Variants in FBN3 observed in about 807,000 individuals in gnomAD.
FBN3 encodes fibrillin-3.
In FBN3, 234 loss-of-function variants were observed where a neutral mutation model predicts 330.1. The observed-to-expected ratio is 0.71, with a 90% CI of 0.64 to 0.79. The LOEUF (loss-of-function observed/expected upper bound fraction) is 0.79. Among genes scored for constraint, FBN3 ranks in the 30% least tolerant of loss-of-function variants. FBN3 has a pLI of 0.00. For missense variants in FBN3, 3,606 were observed against 3,886.9 expected (o/e 0.93, Z 1.92); for synonymous variants, 1,458 against 1,517.3 (o/e 0.96, Z 0.91).
chr19:8,133,496 G>A (rs1366716884), intron 13 of FBN3, among the ~76,000 whole-genome samples: 1 of 151,960 alleles, frequency 6.6e-6, no homozygotes, highest in Non-Finnish European at 1.5e-5. Flanking sequence ...TGTCGCCCAG[G>A]CTGGAGCACA....
chr19:8,145,818 A>T (rs2083527336), intron 5 of FBN3, 25 bp downstream of exon 5: 1 of 1,520,806 alleles, frequency 6.6e-7, no homozygotes, highest in Admixed American at 2.0e-5. Flanking sequence ...GTGTGCAAAG[A>T]GGGGAGTCCC....
At chr19:8,104,063 T>G (rs1302053219) in intron 38 of FBN3, among the ~76,000 whole-genome samples, 1 of 149,424 alleles carries the variant, frequency 6.7e-6, no homozygotes, top group African/African-American at 2.5e-5. Context: ...AGGTTAAGGT[T>G]GCAGTGAGCC....
At position 8,110,971 on chromosome 19, in the gene FBN3, C is replaced by A. The variant is rs779608734; in HGVS notation, c.4211-4G>T. 6.2e-7 allele frequency: 1 copy of A among 1,614,190 alleles called. No homozygotes were observed. Among genetic ancestry groups the A allele is most frequent in the Non-Finnish European group, 8.5e-7 (1 of 1,180,024 alleles). On this transcript the variant is annotated splice_region_variant and splice_polypyrimidine_tract_variant and intron_variant, in intron 33 of 63. Transcript: ENST00000600128. ...CCTTGCGCACACTCGTCCACATCTG[C>A]GGGGACCCTGGGTCAGCCTGCCCCA...
chr19:8,084,206 C>T (rs1382631136), intron 56 of FBN3, among the ~76,000 whole-genome samples: 3 of 152,156 alleles, frequency 2.0e-5, no homozygotes, highest in Admixed American at 6.6e-5. Context: ...CACACGCAGA[C>T]ACTCACATAC....
rs942694816 is a variant in FBN3 at position 8,149,537 on chromosome 19, C to G, written c.-106G>C. The G allele has an allele frequency of 1.3e-5, 2 of 151,946 alleles. No homozygotes were observed. Among genetic ancestry groups the G allele is most frequent in the African/African-American group, 2.4e-5 (1 of 41,400 alleles). 9.4% of individuals were successfully genotyped at this position (151,946 alleles called of 1,614,324 possible). ...GCGGGCTCCTGCGGCGCCGGGGACC[C>G]GGGGCGGGAACGCAAAGCCGAGAGG... On this transcript the variant is annotated 5_prime_UTR_variant, in exon 1 of 64. Transcript: ENST00000600128. This position sits in a 1 kb window ranked among gnomAD's most constrained non-coding sequence, Gnocchi z 5.5.
intron 40 of FBN3, among the ~76,000 whole-genome samples, 192 bp from the exon 41 acceptor site, chr19:8,101,164 AC>A (rs2082319871): frequency 6.6e-6 from 1 of 151,810 alleles, no homozygotes; most frequent in East Asian, 1.9e-4. Context: ...TCGTTCTGTC[AC>A]CCAGGCTGGA....
At chr19:8,122,356 A>G (rs1182783242) in intron 24 of FBN3, among the ~76,000 whole-genome samples, 1 of 151,186 alleles carries the variant, frequency 6.6e-6, no homozygotes, top group African/African-American at 2.4e-5. Flanking sequence ...CCCTTCTTTT[A>G]TGTTTTATTT....
Position 8,087,094 on chromosome 19 carries a change from G to C in FBN3, c.6737C>G (p.Ser2246Cys), listed in dbSNP as rs774571382. 1.2e-6 allele frequency: 2 copies of C among 1,609,100 alleles called. No homozygotes were observed. The highest frequency in any genetic ancestry group is 2.7e-5 in the African/African-American group (2 of 74,740). ...CPPGMRPLPG[S>C]GEGCTDDNEC... ...CCCCATACCTGTGCAGCCCTCCCCAGAGCCAGGCAGGGGCCGCATGCCTGG... is the reference window on the plus strand; with the variant it reads ...CCCCATACCTGTGCAGCCCTCCCCACAGCCAGGCAGGGGCCGCATGCCTGG... Residue 2246 changes from serine to cysteine, a missense_variant, in exon 54 of 64, where the codon TCT becomes TGT. Transcript: ENST00000600128.
chr19:8,111,713 T>C lies in FBN3; in HGVS notation c.4019A>G (p.Asn1340Ser). 6.4e-7 allele frequency: 1 copy of C among 1,573,626 alleles called. No homozygotes were observed. Among genetic ancestry groups the C allele is most frequent in the Non-Finnish European group, 8.7e-7 (1 of 1,154,124 alleles). The change falls in exon 32 of 64, where the codon AAT becomes AGT. Residue 1340 changes from asparagine (N) to serine (S), a missense_variant. Coordinates refer to ENST00000600128, the MANE Select transcript of FBN3 (RefSeq NM_032447.5). Reference protein sequence around the residue: ...HRCSPRGDCLNVPGSYRCTCR... With the variant: ...HRCSPRGDCLSVPGSYRCTCR... ...GGTGCAGCGGTAGGAGCCAGGGACA[T>C]TGAGACAGTCACCTCTTGGGCTGCA...
At chr19:8,124,125 G>A (rs1338269860) in intron 22 of FBN3, 117 bp from the exon 23 acceptor site, 5 of 838,506 alleles carry the variant, frequency 6.0e-6, no homozygotes, top group Non-Finnish European at 9.7e-6. Flanking sequence ...TCAGGTCGAG[G>A]GCCAGAGTGG....
rs899211 is a variant in FBN3 at position 8,146,113 on chromosome 19, C to T, written c.349+14G>A. ...ACTTCTTCTCCCTCCCGCAAGAGGC[C>T]GCTTCCCGCTCACCTCGGCTCACCC... On this transcript the variant is annotated intron_variant, in intron 4 of 63. Coordinates refer to ENST00000600128, the MANE Select transcript of FBN3 (RefSeq NM_032447.5). 0.048 allele frequency: 75,111 copies of T among 1,572,628 alleles called. 2,068 individuals carry two copies. Among genetic ancestry groups the T allele is most frequent in the African/African-American group, 0.1 (7,666 of 74,448 alleles).
intron 25 of FBN3, among the ~76,000 whole-genome samples, chr19:8,119,813 CTTTTT>C (rs869084219): frequency 4.1e-5 from 2 of 48,782 alleles, no homozygotes. Flanking sequence ...CGAGCCCAGC[CTTTTT>C]TTTTTTTTTT....
Position 8,149,365 on chromosome 19 carries a change from C to G in FBN3, c.-18+84G>C, listed in dbSNP as rs1039636315. The G allele has an allele frequency of 2.0e-5, 3 of 151,776 alleles. No homozygotes were observed. Among genetic ancestry groups the G allele is most frequent in the African/African-American group, 7.3e-5 (3 of 41,368 alleles). The allele number at this position is 151,776 out of a possible 1,614,324, so 9.4% of individuals were successfully genotyped here. A position where few individuals can be genotyped will look rare whatever the true frequency, so the allele number is the denominator to read the frequency against. ...GAACAAAGGAATCCTCTCCCCCTCC[C>G]CCTGCCGGCCCCCCCGCCCCCGCCT... On this transcript the variant is annotated intron_variant, in intron 1 of 63. Coordinates refer to ENST00000600128, the MANE Select transcript of FBN3 (RefSeq NM_032447.5). This position sits in a 1 kb window ranked among gnomAD's most constrained non-coding sequence, Gnocchi z 5.5.
rs765704713 is a variant in FBN3, at chr19:8,109,050, G to C, written c.4618+177C>G. On this transcript the variant is annotated intron_variant, in intron 36 of 63. Transcript: ENST00000600128. This position sits in a 1 kb window ranked among gnomAD's most constrained non-coding sequence, Gnocchi z 5.2. ...GAAAGCGACCTTGGAGAGAGGCCCA[G>C]CCAATGAACTACCAAGACGTACACT... Among the ~76,000 whole-genome samples, 1 of 152,132 alleles carries C rather than the reference G, an allele frequency of 6.6e-6. No individual in the cohort carries two copies. Among genetic ancestry groups the C allele is most frequent in the Non-Finnish European group, 1.5e-5 (1 of 68,028 alleles).
chr19:8,066,356 G>A (rs12460243), intron 63 of FBN3, 96 bp from the exon 64 acceptor site: 158,317 of 892,776 alleles, frequency 0.18, 15,767 homozygotes, highest in East Asian at 0.42. Context: ...AGGAGATTCT[G>A]GCCAATCTCT....
chr19:8,116,985 T>C (rs4804268), intron 28 of FBN3, among the ~76,000 whole-genome samples, 184 bp downstream of exon 28: 101,219 of 151,952 alleles, frequency 0.67, 34,910 homozygotes, highest in African/African-American at 0.84. Context: ...TCTGCAAAAA[T>C]CCCAGGGGCT....
At chr19:8,107,782 A>T (rs1469731850) in intron 37 of FBN3, among the ~76,000 whole-genome samples, 1 of 142,380 alleles carries the variant, frequency 7.0e-6, no homozygotes, top group Non-Finnish European at 1.5e-5. Context: ...GTATGGATGT[A>T]CTGGATGGAT....
In FBN3 at chr19:8,138,443, C is replaced by T. The variant is rs778547878; in HGVS notation, c.987G>A (p.Pro329=). 15 of 1,612,838 alleles carry T rather than the reference C, an allele frequency of 9.3e-6. No homozygotes were observed. Among genetic ancestry groups the T allele is most frequent in the Middle Eastern group, 1.6e-4 (1 of 6,076 alleles). Residue 329 remains proline (P), a synonymous_variant, in exon 9 of 64, where the codon CCG becomes CCA. Transcript: ENST00000600128. ...CDRGRCWAAG[P]VPELCPPRGS... is the part of the protein sequence containing the mutation. ...CCCGAGGAGGACACAGCTCAGGGACCGGGCCAGCTGCCCAGCACCTGCCCC... is the reference window on the plus strand; with the variant it reads ...CCCGAGGAGGACACAGCTCAGGGACTGGGCCAGCTGCCCAGCACCTGCCCC...
rs748194139 is a variant in FBN3 at position 8,094,509 on chromosome 19, G to C, written c.5842C>G (p.Leu1948Val). ...CAGATGCAGCGGAAGGAGCCCTCGA[G>C]GTTCTGGCAAGTGCCGGGTAGGCAG... ...GTCLPGTCQN[L>V]EGSFRCICPP... Residue 1948 changes from leucine to valine, a missense_variant, in exon 47 of 64, where the codon CTC becomes GTC. Physicochemically the swap from Leu to Val is conservative, Grantham distance 32. Transcript: ENST00000600128. 17 of 1,614,046 alleles carry C rather than the reference G, an allele frequency of 1.1e-5. No individual in the cohort carries two copies. The East Asian group carries it at 3.8e-4, about 36-fold the overall frequency.
Sources: allele counts gnomAD v4.1 joint callset (sites outside exome capture counted in the v4.1 genomes callset), GRCh38; gene constraint gnomAD v4.1.1; non-coding constraint Gnocchi (gnomAD v3.1); transcripts MANE v1.5; gene names NCBI Gene and HGNC (gene_info 2026-07-23, HGNC 2026-07-21).